The following ELAVL2 variants were observed in gnomAD, a reference collection of about 807,000 sequenced individuals.
ELAVL2 encodes ELAV like RNA binding protein 2.
In ELAVL2, 4 loss-of-function variants were observed where a neutral mutation model predicts 34.6. The observed-to-expected ratio is 0.12, with a 90% confidence interval of 0.06 to 0.26. ELAVL2 has a LOEUF of 0.26. ELAVL2 is among the 10% of genes least tolerant of loss of function. The pLI, the probability that ELAVL2 is intolerant of heterozygous loss-of-function variation, is 1.00. For synonymous variants in ELAVL2, 193 were observed against 154.8 expected, an observed-to-expected ratio of 1.25 and a Z score of -1.83; for missense variants, 432 against 442.8, an observed-to-expected ratio of 0.98 and a Z score of 0.22.
At chr9:23,716,852 C>A (rs1196899461) in intron 3 of ELAVL2, among the ~76,000 whole-genome samples, 1 of 152,072 alleles carries the variant, frequency 6.6e-6, no homozygotes. Flanking sequence ...GATGAAGAGC[C>A]CAGCTGAGCC....
intron 3 of ELAVL2, among the ~76,000 whole-genome samples, chr9:23,725,473 C>T (rs1399396731): frequency 6.6e-6 from 1 of 152,190 alleles, no homozygotes; most frequent in Non-Finnish European, 1.5e-5. Context: ...AGAGGACCTA[C>T]TGGGTGGCAA....
At chr9:23,737,730 T>A (rs778603152) in intron 2 of ELAVL2, among the ~76,000 whole-genome samples, 1 of 152,158 alleles carries the variant, frequency 6.6e-6, no homozygotes, top group African/African-American at 2.4e-5. Flanking sequence ...TAATGTTTTA[T>A]GAAATAAAAG....
intron 3 of ELAVL2, among the ~76,000 whole-genome samples, chr9:23,709,690 C>T (rs952829302): frequency 6.6e-6 from 1 of 152,314 alleles, no homozygotes; most frequent in South Asian, 2.1e-4. Context: ...CCACTGCAAT[C>T]TGTTCTCCAT....
intron 3 of ELAVL2, among the ~76,000 whole-genome samples, chr9:23,715,555 G>T (rs2042078575): frequency 6.6e-6 from 1 of 152,190 alleles, no homozygotes; most frequent in Admixed American, 6.5e-5. Context: ...GGCTAAATTG[G>T]CTTGCAGAAA....
intron 5 of ELAVL2, among the ~76,000 whole-genome samples, chr9:23,694,435 T>C (rs1165405327): frequency 6.6e-6 from 1 of 152,160 alleles, no homozygotes. Context: ...ACCAACTAAT[T>C]ATGTGTTCTG....
the ELAVL2 span, among the ~76,000 whole-genome samples, chr9:23,841,940 T>C: frequency 6.6e-6 from 1 of 152,156 alleles, no homozygotes; most frequent in African/African-American, 2.4e-5. Context: ...TTTTTCAATA[T>C]GATTCTCGAA....
chr9:23,814,991 A>G (rs532761097), intron 1 of ELAVL2, among the ~76,000 whole-genome samples: 4 of 152,172 alleles, frequency 2.6e-5, no homozygotes, highest in Non-Finnish European at 5.9e-5. Context: ...AAAGCTGAAC[A>G]AGTGAGCAAT....
upstream of ELAVL2, among the ~76,000 whole-genome samples, chr9:23,826,738 C>T (rs919689379): frequency 2.6e-5 from 4 of 152,146 alleles, no homozygotes; most frequent in African/African-American, 9.7e-5. Context: ...TAACATTTAA[C>T]TCTGTCCGGT....
At chr9:23,727,587 T>C (rs1235677914) in intron 3 of ELAVL2, among the ~76,000 whole-genome samples, 1 of 151,982 alleles carries the variant, frequency 6.6e-6, no homozygotes, top group Non-Finnish European at 1.5e-5. Context: ...CTGTCATAAA[T>C]TACCTGGGAA....
chr9:23,767,745 C>T (rs1348767831), intron 1 of ELAVL2, among the ~76,000 whole-genome samples: 2 of 152,162 alleles, frequency 1.3e-5, no homozygotes, highest in South Asian at 2.1e-4. Context: ...TTCACTCCAT[C>T]CTGGGTGACA....
intron 5 of ELAVL2, among the ~76,000 whole-genome samples, chr9:23,695,405 C>G (rs2034794854): frequency 9.9e-6 from 1 of 100,590 alleles, no homozygotes; most frequent in Non-Finnish European, 2.0e-5. Flanking sequence ...TTTGCTACCA[C>G]CCACTCAGGA....
Position 23,726,576 on chromosome 9 carries a change from T to C in ELAVL2, c.333+4446A>G, listed in dbSNP as rs2045234150. The stretch of plus-strand genomic sequence containing the variant: ...CAGTTTCAGGAAAAATAAAGCATCC[T>C]AGGCCCATTGTAGAGGAGGGAAAAG... On this transcript the variant is annotated intron_variant, in intron 3 of 6. Coordinates refer to ENST00000397312, the MANE Select transcript of ELAVL2 (RefSeq NM_004432.5). Among the ~76,000 whole-genome samples, 5 of 152,072 alleles carry C rather than the reference T, an allele frequency of 3.3e-5. No homozygotes were observed. The South Asian group carries it at 6.2e-4, about 19-fold the overall frequency.
rs555136773 is a variant in ELAVL2, at chr9:23,724,573, T to C, written c.333+6449A>G. 3.9e-5 allele frequency among the ~76,000 whole-genome samples: 6 copies of C among 152,288 alleles called. No homozygotes were observed. The East Asian group carries it at 1.2e-3, about 29-fold the overall frequency. ...ACAAGAGAGCATTCTACAAAACACA[T>C]GAAGGGCATTATACAAATAACAATA... On this transcript the variant is annotated intron_variant, in intron 3 of 6. Transcript: ENST00000397312.
At chr9:23,788,987 T>C (rs1178442088) in intron 1 of ELAVL2, among the ~76,000 whole-genome samples, 1 of 152,156 alleles carries the variant, frequency 6.6e-6, no homozygotes, top group Non-Finnish European at 1.5e-5. Context: ...AAAGCGAAAC[T>C]GTGGGTAAGG....
chr9:23,777,784 C>T (rs1192432498), intron 1 of ELAVL2, among the ~76,000 whole-genome samples: 1 of 152,170 alleles, frequency 6.6e-6, no homozygotes, highest in African/African-American at 2.4e-5. Context: ...GCAGTTAGTT[C>T]TCTTAAGTAA....
intron 1 of ELAVL2, among the ~76,000 whole-genome samples, chr9:23,768,675 G>A (rs914204684): frequency 6.6e-6 from 1 of 152,030 alleles, no homozygotes; most frequent in Non-Finnish European, 1.5e-5. Context: ...GAAAAGTTGT[G>A]TATTTTTATT....
chr9:23,748,248 C>T (rs1029341296), intron 2 of ELAVL2, among the ~76,000 whole-genome samples: 28 of 151,926 alleles, frequency 1.8e-4, no homozygotes, highest in African/African-American at 6.3e-4. Context: ...ATTTCTAACT[C>T]GTCGCTCTTT....
intron 1 of ELAVL2, among the ~76,000 whole-genome samples, chr9:23,809,842 T>TG (rs1417969616): frequency 1.3e-5 from 2 of 152,110 alleles, no homozygotes; most frequent in African/African-American, 4.8e-5. Flanking sequence ...ACAGTAAAGT[T>TG]GGAGAAACAG....
the ELAVL2 span, among the ~76,000 whole-genome samples, chr9:23,838,390 C>T: frequency 6.6e-6 from 1 of 152,016 alleles, no homozygotes; most frequent in South Asian, 2.1e-4. Context: ...GACCAGTGAC[C>T]TCTTAAAAGA....
Sources: gnomAD v4.1 joint callset for allele counts (sites outside exome capture counted in the v4.1 genomes callset) on GRCh38, gnomAD v4.1.1 for gene constraint, MANE v1.5 for transcripts, NCBI Gene and HGNC (gene_info 2026-07-23, HGNC 2026-07-21) for gene names.